The following TTC38 variants were observed in gnomAD, a reference collection of about 807,000 sequenced individuals.
TTC38 encodes the protein tetratricopeptide repeat protein 38.
In TTC38, 64 loss-of-function variants were observed where a neutral mutation model predicts 64.2. That is an observed-to-expected ratio of 1.00 (90% CI 0.81 to 1.23). The LOEUF is 1.23. TTC38 is among the 50% of genes most tolerant of loss of function. The pLI is 0.00. For missense variants in TTC38, 573 were observed against 615.5 expected, an observed-to-expected ratio of 0.93 and a Z score of 0.73; for synonymous variants, 254 against 249.3, an observed-to-expected ratio of 1.02 and a Z score of -0.18.
chr22:46,280,093 C>G (rs1027103388), intron 6 of TTC38: 1 of 470,560 alleles, frequency 2.1e-6, no homozygotes, highest in African/African-American at 2.0e-5. Context: ...TCTTCAACAC[C>G]AGCACCCCAC....
At chr22:46,289,725 A>C in intron 12 of TTC38, 101 bp from the exon 13 acceptor site, 1 of 1,482,228 alleles carries the variant, frequency 6.7e-7, no homozygotes, top group Non-Finnish European at 9.4e-7. Flanking sequence ...TGTGGCATCA[A>C]CACCACTGTC....
At position 46,287,096 on chromosome 22, in the gene TTC38, C is replaced by G; in HGVS notation, c.858C>G (p.Asn286Lys). 1 of 1,603,808 alleles carries G rather than the reference C, an allele frequency of 6.2e-7. No homozygotes were observed. The highest frequency in any genetic ancestry group is 8.5e-7 in the Non-Finnish European group (1 of 1,176,062). Reference protein sequence around the residue: ...DTHILPSLQANDAMLDVVDSC... With the variant: ...DTHILPSLQAKDAMLDVVDSC... ...AGATCCTTCCCAGCCTGCAGGCCAA[C>G]GATGCAATGCTGGACGTGGTGGACA... is the stretch of plus-strand genomic sequence containing the variant. Residue 286 changes from asparagine to lysine, a missense_variant, in exon 10 of 14, where the codon AAC becomes AAG. By Grantham distance (94) the Asn-to-Lys change is moderately conservative. Coordinates refer to ENST00000381031, the MANE Select transcript of TTC38 (RefSeq NM_017931.4).
Position 46,287,066 on chromosome 22 carries a change from C to T in TTC38, c.835-7C>T, listed in dbSNP as rs1300196124. The T allele has an allele frequency of 2.5e-6, 4 of 1,595,292 alleles. No homozygotes were observed. Among genetic ancestry groups the T allele is most frequent in the South Asian group, 2.2e-5 (2 of 89,850 alleles). ...GCTGAGCCCGCCTTGGCCGCCCTGT[C>T]TTCCAGATCCTTCCCAGCCTGCAGG... On this transcript the variant is annotated splice_polypyrimidine_tract_variant and splice_region_variant and intron_variant, in intron 9 of 13. Coordinates refer to ENST00000381031, the MANE Select transcript of TTC38 (RefSeq NM_017931.4).
Position 46,292,508 on chromosome 22 carries a change from C to G in TTC38, c.1317-283C>G, listed in dbSNP as rs1335436348. ...ATTCAGTCCACAGCAGGGTCTTTACCTCAAACCGTACCTGGGTCTTCTCTC... is the reference window on the plus strand; with the variant it reads ...ATTCAGTCCACAGCAGGGTCTTTACGTCAAACCGTACCTGGGTCTTCTCTC... On this transcript the variant is annotated intron_variant, in intron 13 of 13. Transcript: ENST00000381031. The surrounding 1 kb of genome is among the most constrained non-coding windows in gnomAD (Gnocchi z 6.5). Among the ~76,000 whole-genome samples the G allele has an allele frequency of 1.3e-5, 2 of 152,216 alleles. No individual in the cohort carries two copies. The highest frequency in any genetic ancestry group is 2.9e-5 in the Non-Finnish European group (2 of 68,038).
At position 46,292,699 on chromosome 22, in the gene TTC38, C is replaced by G. The variant is rs6008556; in HGVS notation, c.1317-92C>G. 2.0e-5 allele frequency: 23 copies of G among 1,166,810 alleles called. No homozygotes were observed. Among genetic ancestry groups the G allele is most frequent in the Non-Finnish European group, 2.9e-5 (23 of 784,724 alleles). The allele number at this position is 1,166,810 out of a possible 1,614,324, so 72.3% of individuals were successfully genotyped here. A position where few individuals can be genotyped will look rare whatever the true frequency, so the allele number is the denominator to read the frequency against. On this transcript the variant is annotated intron_variant, in intron 13 of 13. Transcript: ENST00000381031. The surrounding 1 kb of genome is among the most constrained non-coding windows in gnomAD (Gnocchi z 6.5). The stretch of plus-strand genomic sequence containing the variant: ...TGTTCCCTCAGTGCCGCAGTCTAGC[C>G]TGCCTGTGTTCTGCCTTGGGACCAA...
Position 46,283,840 on chromosome 22 carries a change from A to C in TTC38, c.736-133A>C, listed in dbSNP as rs2077551655. ...ACACTCCAGCCTGAGCAACAGAGCC[A>C]GACTTAGTCTCAAAAAAAAAAAAAA... is the stretch of plus-strand genomic sequence containing the variant. On this transcript the variant is annotated intron_variant, in intron 7 of 13. Coordinates refer to ENST00000381031, the MANE Select transcript of TTC38 (RefSeq NM_017931.4). The C allele has an allele frequency of 5.3e-6, 3 of 568,608 alleles. No individual in the cohort carries two copies. The Admixed American group carries it at 1.0e-4, about 19-fold the overall frequency. 35.2% of individuals were successfully genotyped at this position (568,608 alleles called of 1,614,324 possible).
rs1569027835 is a variant in TTC38, at chr22:46,290,534, A to AGGGTG, written c.1316+636_1316+637insGGTGG. 1.5e-3 allele frequency among the ~76,000 whole-genome samples: 197 copies of AGGGTG among 128,494 alleles called. 11 individuals are homozygous for AGGGTG. The highest frequency in any genetic ancestry group is 6.3e-3 in the African/African-American group (189 of 29,884). The allele number at this position is 128,494 out of a possible 152,430, so 84.3% of individuals were successfully genotyped here. The stretch of plus-strand genomic sequence containing the variant: ...GGCTGGAGGGTGAGTGTGTTAGGGC[A>AGGGTG]GCGTGGCTGGAGGGTGTTAGGAGGG... On this transcript the variant is annotated intron_variant, in intron 13 of 13. Transcript: ENST00000381031.
In TTC38 at chr22:46,287,092, C is replaced by A; in HGVS notation, c.854C>A (p.Ala285Asp). ...YDTHILPSLQ[A>D]NDAMLDVVDS... is the part of the protein sequence containing the mutation. ...TTCCAGATCCTTCCCAGCCTGCAGG[C>A]CAACGATGCAATGCTGGACGTGGTG... is the stretch of plus-strand genomic sequence containing the variant. The change falls in exon 10 of 14, where the codon GCC becomes GAC. Residue 285 changes from alanine (A) to aspartate (D), a missense_variant. By Grantham distance (126) the Ala-to-Asp change is moderately radical. Coordinates refer to ENST00000381031, the MANE Select transcript of TTC38 (RefSeq NM_017931.4). 1 of 1,603,438 alleles carries A rather than the reference C, an allele frequency of 6.2e-7. No individual in the cohort carries two copies. The highest frequency in any genetic ancestry group is 1.7e-5 in the Admixed American group (1 of 59,794).
Position 46,272,105 on chromosome 22 carries a change from C to T in TTC38, c.112-230C>T, listed in dbSNP as rs1936908234. On this transcript the variant is annotated intron_variant, in intron 2 of 13. Transcript: ENST00000381031. The surrounding 1 kb of genome is among the most constrained non-coding windows in gnomAD (Gnocchi z 6.4). ...CCCCGGGTTCAAGTGATTCTCATGC[C>T]TCTGCCTACCAAGTGGCTGGGACTA... Among the ~76,000 whole-genome samples the T allele has an allele frequency of 6.6e-6, 1 of 152,158 alleles. No homozygotes were observed. The highest frequency in any genetic ancestry group is 1.5e-5 in the Non-Finnish European group (1 of 68,038).
In TTC38 at chr22:46,281,576, C is replaced by G. The variant is rs1246141009; in HGVS notation, c.616-23C>G. ...CTGACTGATCTGCTTTATCTGGAAT[C>G]CTCTTCCCCGCACCCTGCGTAGGCT... On this transcript the variant is annotated intron_variant, in intron 6 of 13. Transcript: ENST00000381031. The surrounding 1 kb of genome is among the most constrained non-coding windows in gnomAD (Gnocchi z 5.2). 2 of 1,599,936 alleles carry G rather than the reference C, an allele frequency of 1.3e-6. No homozygotes were observed. Among genetic ancestry groups the G allele is most frequent in the African/African-American group, 2.7e-5 (2 of 74,538 alleles).
At chr22:46,280,019 C>T (rs1243278889) in intron 6 of TTC38, 2 of 425,734 alleles carry the variant, frequency 4.7e-6, no homozygotes, top group South Asian at 3.5e-5. Flanking sequence ...GGATAGGGTC[C>T]CCTCCCTTCT....
rs1224455579 is a variant in TTC38, at chr22:46,282,976, TG to T, written c.736-995del. Among the ~76,000 whole-genome samples the T allele has an allele frequency of 6.6e-6, 1 of 152,154 alleles. No individual in the cohort carries two copies. Among genetic ancestry groups the T allele is most frequent in the Non-Finnish European group, 1.5e-5 (1 of 68,020 alleles). ...CAAGTTCTCTCTCTGTCGCCCAAGG[TG>T]GAGTGCAGTGGCACAATCAGGGCTC... On this transcript the variant is annotated intron_variant, in intron 7 of 13. Transcript: ENST00000381031. This position sits in a 1 kb window ranked among gnomAD's most constrained non-coding sequence, Gnocchi z 4.4.
rs1173617894 is a variant in TTC38, at chr22:46,289,495, C to G, written c.1176C>G (p.Asp392Glu). 1 of 1,608,630 alleles carries G rather than the reference C, an allele frequency of 6.2e-7. No homozygotes were observed. Among genetic ancestry groups the G allele is most frequent in the Non-Finnish European group, 8.5e-7 (1 of 1,179,520 alleles). Residue 392 changes from aspartate (D) to glutamate (E), a missense_variant, in exon 12 of 14, where the codon GAC becomes GAG. Physicochemically the swap from Asp to Glu is conservative, Grantham distance 45 (BLOSUM62 2). Transcript: ENST00000381031. Reference sequence around the variant, plus strand: ...TGGAGGCTGAGGACGGGAACCCTGACCGCGTCCTGGAGCTGCTCCTGCCCA... The same window carrying G: ...TGGAGGCTGAGGACGGGAACCCTGAGCGCGTCCTGGAGCTGCTCCTGCCCA... ...ALVEAEDGNP[D>E]RVLELLLPIR...
chr22:46,280,007 G>T, intron 6 of TTC38: 1 of 408,598 alleles, frequency 2.4e-6, no homozygotes, highest in Admixed American at 2.9e-5. Context: ...GCAAGAAGTG[G>T]TGGATAGGGT....
At chr22:46,269,212 C>A in intron 2 of TTC38, 1 of 344,404 alleles carries the variant, frequency 2.9e-6, no homozygotes, top group Admixed American at 4.2e-5. Context: ...CCTCCCCGGG[C>A]CTCCCATTGT....
In TTC38 at chr22:46,274,864, C is replaced by T. The variant is rs1035604328; in HGVS notation, c.366-384C>T. On this transcript the variant is annotated intron_variant, in intron 4 of 13. Transcript: ENST00000381031. This position sits in a 1 kb window ranked among gnomAD's most constrained non-coding sequence, Gnocchi z 4.8. ...TATTTATTTAGAGTTTTGCTCTTGT[C>T]GCCCAGGCTGGAATGCAGTGGCGCA... Among the ~76,000 whole-genome samples the T allele has an allele frequency of 2.6e-5, 4 of 151,924 alleles. No individual in the cohort carries two copies. The highest frequency in any genetic ancestry group is 2.1e-4 in the South Asian group (1 of 4,828).
Position 46,272,407 on chromosome 22 carries a change from C to G in TTC38, c.184C>G (p.Pro62Ala), listed in dbSNP as rs1227463120. 6 of 1,613,624 alleles carry G rather than the reference C, an allele frequency of 3.7e-6. No individual in the cohort carries two copies. Among genetic ancestry groups the G allele is most frequent in the Non-Finnish European group, 5.1e-6 (6 of 1,179,716 alleles). Residue 62 changes from proline to alanine, a missense_variant, in exon 3 of 14, where the codon CCA (proline) becomes GCA (alanine). This residue lies in a region of TTC38 where 134 missense variants were observed against 126.5 expected (regional missense o/e 1.06). Transcript: ENST00000381031. The surrounding 1 kb of genome is among the most constrained non-coding windows in gnomAD (Gnocchi z 6.4). Reference sequence around the variant, plus strand: ...CCTGTCAAAGCTCAAAGCAGCAGATCCAACCTTTGGTGAGTAACGCCTTCC... The same window carrying G: ...CCTGTCAAAGCTCAAAGCAGCAGATGCAACCTTTGGTGAGTAACGCCTTCC... The part of the protein sequence containing the change: ...GCLSKLKAAD[P>A]TFVMGHAMAT...
At position 46,270,103 on chromosome 22, in the gene TTC38, G is replaced by A. The variant is rs1936862003; in HGVS notation, c.111+1512G>A. 1.3e-5 allele frequency among the ~76,000 whole-genome samples: 2 copies of A among 152,078 alleles called. No homozygotes were observed. Among genetic ancestry groups the A allele is most frequent in the South Asian group, 4.1e-4 (2 of 4,830 alleles). On this transcript the variant is annotated intron_variant, in intron 2 of 13. Coordinates refer to ENST00000381031, the MANE Select transcript of TTC38 (RefSeq NM_017931.4). This position sits in a 1 kb window ranked among gnomAD's most constrained non-coding sequence, Gnocchi z 4.7. ...CACTGTGCCCGGCCCCTAGTACTCA[G>A]TTTGTTACACACCACATCCCCAATC...
In TTC38 at chr22:46,268,085, T is replaced by C; in HGVS notation, c.33+13T>C. The C allele has an allele frequency of 6.5e-7, 1 of 1,540,246 alleles. No individual in the cohort carries two copies. Among genetic ancestry groups the C allele is most frequent in the South Asian group, 1.2e-5 (1 of 83,948 alleles). On this transcript the variant is annotated intron_variant, in intron 1 of 13. Coordinates refer to ENST00000381031, the MANE Select transcript of TTC38 (RefSeq NM_017931.4). ...GCGCGACTGCCAGGTACACGGAGGC[T>C]GCCCCCAACCAGGTCCCCCTCGGGC... is the stretch of plus-strand genomic sequence containing the variant.
Sources: gnomAD v4.1 joint callset for allele counts (sites outside exome capture counted in the v4.1 genomes callset) on GRCh38, gnomAD v4.1.1 for gene constraint, gnomAD v4.1.1 regional missense constraint, Gnocchi (gnomAD v3.1) non-coding constraint, MANE v1.5 for transcripts, NCBI Gene and HGNC (gene_info 2026-07-23, HGNC 2026-07-21) for gene names.